CLASP1: variants seen among roughly 807,000 people sequenced by gnomAD.
The protein encoded by CLASP1 is cytoplasmic linker associated protein 1, also known as CLIP-associating protein 1.
In CLASP1, 38 loss-of-function variants were observed where a neutral mutation model predicts 192.3. That is an observed-to-expected ratio of 0.20 (90% confidence interval 0.15 to 0.26). The LOEUF is 0.26. CLASP1 is among the 10% of genes least tolerant of loss of function. CLASP1 has a pLI of 1.00. For synonymous variants in CLASP1, 691 were observed against 712.8 expected (o/e 0.97, Z 0.49); for missense variants, 1,433 against 1,932.5 (o/e 0.74, Z 4.85).
intron 19 of CLASP1, among the ~76,000 whole-genome samples, chr2:121,440,357 A>G (rs2083095850): frequency 6.6e-6 from 1 of 152,236 alleles, no homozygotes; most frequent in Non-Finnish European, 1.5e-5. Context: ...TGTTTTTAAA[A>G]GATGATATAA....
chr2:121,400,765 C>T (rs1037687530), intron 28 of CLASP1, among the ~76,000 whole-genome samples: 1 of 152,130 alleles, frequency 6.6e-6, no homozygotes, highest in Non-Finnish European at 1.5e-5. Flanking sequence ...AAAGTCATTG[C>T]CCTGATAATT....
chr2:121,531,024 A>G (rs561287137), intron 2 of CLASP1: 142 of 700,090 alleles, frequency 2.0e-4, no homozygotes, highest in Non-Finnish European at 3.3e-4. Context: ...ACCTGTTTTC[A>G]TAGACTTATC....
At chr2:121,561,109 G>A (rs1219832038) in intron 2 of CLASP1, among the ~76,000 whole-genome samples, 2 of 152,188 alleles carry the variant, frequency 1.3e-5, no homozygotes, top group Non-Finnish European at 2.9e-5. Flanking sequence ...GTTTTGCCAT[G>A]TTGGCCAGGT....
rs2093003721 is a variant in CLASP1 at position 121,486,767 on chromosome 2, T to G, written c.712+16400A>C. ...ATTTGCCATTTGTGCAAATAATCCTTCAAATCTTCCATCTCTGCTTTAATG... is the reference window on the plus strand; with the variant it reads ...ATTTGCCATTTGTGCAAATAATCCTGCAAATCTTCCATCTCTGCTTTAATG... On this transcript the variant is annotated intron_variant, in intron 8 of 39. Transcript: ENST00000263710. Among the ~76,000 whole-genome samples the G allele has an allele frequency of 2.0e-5, 3 of 152,332 alleles. No individual in the cohort carries two copies. In the South Asian group the frequency reaches 6.2e-4, roughly 32 times the overall value.
intron 1 of CLASP1, among the ~76,000 whole-genome samples, chr2:121,614,822 C>G (rs57551220): frequency 0.016 from 2,464 of 152,186 alleles, 65 homozygotes; most frequent in African/African-American, 0.057. Flanking sequence ...GACATACATA[C>G]ACAGAAAAGG....
At chr2:121,647,568 C>G (rs550560185) in intron 1 of CLASP1, among the ~76,000 whole-genome samples, 1 of 152,206 alleles carries the variant, frequency 6.6e-6, no homozygotes, top group South Asian at 2.1e-4. Context: ...CCACTAGTTA[C>G]TTAAGCATAA....
chr2:121,510,623 C>T (rs906459364), intron 7 of CLASP1, among the ~76,000 whole-genome samples: 22 of 151,322 alleles, frequency 1.5e-4, no homozygotes, highest in Non-Finnish European at 3.1e-4. Context: ...CATGGCAAAA[C>T]CCCACCTGTA....
At chr2:121,399,702 C>T (rs116605883) in intron 28 of CLASP1, among the ~76,000 whole-genome samples, 235 of 152,332 alleles carry the variant, frequency 1.5e-3, no homozygotes, top group Non-Finnish European at 2.1e-3. Context: ...GATTAGGACT[C>T]TTAAAGGGGC....
At chr2:121,583,530 C>T (rs1289423614) in intron 2 of CLASP1, among the ~76,000 whole-genome samples, 1 of 152,158 alleles carries the variant, frequency 6.6e-6, no homozygotes, top group Non-Finnish European at 1.5e-5. Context: ...TCTACAATCC[C>T]CACTGCCACT....
intron 2 of CLASP1, among the ~76,000 whole-genome samples, chr2:121,587,193 A>G (rs1486467090): frequency 6.6e-6 from 1 of 152,114 alleles, no homozygotes; most frequent in Non-Finnish European, 1.5e-5. Flanking sequence ...GTGAGCTGAG[A>G]TCACACCACT....
At chr2:121,582,118 GT>G (rs2061240989) in intron 2 of CLASP1, among the ~76,000 whole-genome samples, 1 of 151,896 alleles carries the variant, frequency 6.6e-6, no homozygotes, top group Non-Finnish European at 1.5e-5. Context: ...AGCCAAGATC[GT>G]GCCACTCTAC....
chr2:121,471,441 T>C (rs2090713628), intron 8 of CLASP1, among the ~76,000 whole-genome samples: 1 of 152,174 alleles, frequency 6.6e-6, no homozygotes, highest in Non-Finnish European at 1.5e-5. Context: ...ACAACATCTG[T>C]AGCTGGCAAT....
chr2:121,577,388 A>G (rs2060628119), intron 2 of CLASP1, among the ~76,000 whole-genome samples: 1 of 152,226 alleles, frequency 6.6e-6, no homozygotes, highest in African/African-American at 2.4e-5. Flanking sequence ...AAGGAATCCT[A>G]TGAGGCCATA....
chr2:121,531,219 C>G (rs1450485385), intron 2 of CLASP1, among the ~76,000 whole-genome samples: 1 of 152,142 alleles, frequency 6.6e-6, no homozygotes, highest in Non-Finnish European at 1.5e-5. Context: ...TGTTCTGTAA[C>G]TTCCTTATGC....
intron 6 of CLASP1, among the ~76,000 whole-genome samples, chr2:121,524,267 A>G (rs2094522923): frequency 6.6e-6 from 1 of 152,218 alleles, no homozygotes. Flanking sequence ...GCCTCTATAA[A>G]GGATTTTTCC....
At chr2:121,640,379 T>C (rs557059308) in intron 1 of CLASP1, among the ~76,000 whole-genome samples, 8 of 152,180 alleles carry the variant, frequency 5.3e-5, no homozygotes, top group African/African-American at 1.9e-4. Context: ...TACAAAAAAA[T>C]GGTTTAAATG....
chr2:121,605,760 T>C (rs1053315617), exon 2 of CLASP1: 1 of 1,614,042 alleles, frequency 6.2e-7, no homozygotes, highest in South Asian at 1.1e-5. Flanking sequence ...TTATCTAACA[T>C]GGTCTGGTCA....
chr2:121,625,992 G>C (rs1188560772), intron 1 of CLASP1, among the ~76,000 whole-genome samples: 1 of 151,732 alleles, frequency 6.6e-6, no homozygotes, highest in Non-Finnish European at 1.5e-5. Flanking sequence ...CCAGCTACTC[G>C]GGAGGCTGAG....
chr2:121,438,349 C>T (rs1290490268), intron 19 of CLASP1, among the ~76,000 whole-genome samples: 1 of 152,000 alleles, frequency 6.6e-6, no homozygotes, highest in Non-Finnish European at 1.5e-5. Context: ...GTTTTTTTTC[C>T]CCCTCTGTTT....
Sources: allele counts gnomAD v4.1 joint callset (sites outside exome capture counted in the v4.1 genomes callset), GRCh38; gene constraint gnomAD v4.1.1; transcripts MANE v1.5; gene names NCBI Gene and HGNC (gene_info 2026-07-23, HGNC 2026-07-21).